The following SETD4 variants were observed in gnomAD, a reference collection of about 807,000 sequenced individuals.
SETD4 encodes the protein SET domain-containing protein 4.
A neutral mutation model predicts 58.3 loss-of-function variants in SETD4; 46 were observed. The ratio of observed to expected loss-of-function variants is 0.79; its 90% CI spans 0.62 to 1.01. SETD4 has a LOEUF of 1.01. Among genes scored for constraint, SETD4 ranks in the 50% least tolerant of loss-of-function variants. SETD4 has a pLI of 0.00. For missense variants in SETD4, 490 were observed against 523.3 expected, an observed-to-expected ratio of 0.94 and a Z score of 0.62; for synonymous variants, 190 against 202.6, an observed-to-expected ratio of 0.94 and a Z score of 0.53.
rs769446480 is a variant in SETD4, at chr21:36,040,886, C to T, written c.984-231G>A. On this transcript the variant is annotated intron_variant, in intron 8 of 11. Coordinates refer to ENST00000332131, the MANE Select transcript of SETD4 (RefSeq NM_017438.5). ...TCTAAAGAGTAAACAGCTGGCCGGGCGCAGTGCCTCACGCCTGTAATCCCA... is the reference window on the plus strand; with the variant it reads ...TCTAAAGAGTAAACAGCTGGCCGGGTGCAGTGCCTCACGCCTGTAATCCCA... Among the ~76,000 whole-genome samples, 6 of 152,146 alleles carry T rather than the reference C, an allele frequency of 3.9e-5. No homozygotes were observed. The South Asian group carries it at 1.2e-3, about 32-fold the overall frequency.
intron 4 of SETD4, chr21:36,051,509 T>G: frequency 7.7e-7 from 1 of 1,292,988 alleles, no homozygotes; most frequent in Non-Finnish European, 1.0e-6. Flanking sequence ...TAGGATTAGT[T>G]GGAGAGAGTG....
intron 8 of SETD4, among the ~76,000 whole-genome samples, chr21:36,041,159 CAAAAAAAAAAAAAAAAAAAAA>C (rs35920101): frequency 2.5e-5 from 1 of 39,996 alleles, no homozygotes; most frequent in African/African-American, 1.1e-4. Flanking sequence ...GACTCCTTCT[CAAAAAAAAAAAAAAAAAAAAA>C]AAAAAAAAAA....
At chr21:36,055,055 T>G (rs771576931) in intron 3 of SETD4, among the ~76,000 whole-genome samples, 1 of 152,270 alleles carries the variant, frequency 6.6e-6, no homozygotes, top group Admixed American at 6.5e-5. Flanking sequence ...AGTGTTAACT[T>G]ATTTCATTGA....
chr21:36,043,986 T>A, intron 6 of SETD4, 30 bp from the exon 7 acceptor site: 1 of 1,606,566 alleles, frequency 6.2e-7, no homozygotes, highest in Non-Finnish European at 8.5e-7. Context: ...AGGTATTTTT[T>A]AAAGTAAGGT....
rs575787225 is a variant in SETD4, at chr21:36,046,733, A to C, written c.297-722T>G. Among the ~76,000 whole-genome samples the C allele has an allele frequency of 9.2e-5, 14 of 152,350 alleles. No individual in the cohort carries two copies. The South Asian group carries it at 2.9e-3, about 32-fold the overall frequency. On this transcript the variant is annotated intron_variant, in intron 5 of 11. Transcript: ENST00000332131. ...TGTATCACAGTATTTTTACTTGCAC[A>C]ATTGCCGATAAAAAGATCTCATGTT...
chr21:36,051,099 G>T, intron 4 of SETD4: 1 of 1,414,794 alleles, frequency 7.1e-7, no homozygotes, highest in African/African-American at 1.4e-5. Context: ...TAATCTAGAT[G>T]TAGCTGGTAT....
intron 4 of SETD4, among the ~76,000 whole-genome samples, chr21:36,049,168 T>C (rs2123680579): frequency 6.6e-6 from 1 of 152,188 alleles, no homozygotes; most frequent in Middle Eastern, 3.4e-3. Context: ...AAATTAGATG[T>C]AAAGTAATAG....
rs547650537 is a variant in SETD4, at chr21:36,039,349, C to T, written c.1065-1076G>A. On this transcript the variant is annotated intron_variant, in intron 9 of 11. Transcript: ENST00000332131. ...GCCAGAGCCCCACACGTGCTTTCTC[C>T]ACACCCACTCAGTAAGCGGTAACTC... Among the ~76,000 whole-genome samples the T allele has an allele frequency of 7.2e-5, 11 of 152,270 alleles. No individual in the cohort carries two copies. The East Asian group carries it at 2.1e-3, about 29-fold the overall frequency.
intron 7 of SETD4, 192 bp from the exon 8 acceptor site, chr21:36,042,080 T>C (rs2123562011): frequency 5.1e-6 from 2 of 388,646 alleles, no homozygotes; most frequent in Non-Finnish European, 9.1e-6. Flanking sequence ...CCTGAAAGGC[T>C]GTAAGAATTT....
At chr21:36,050,682 G>C in intron 4 of SETD4, 1 of 1,602,678 alleles carries the variant, frequency 6.2e-7, no homozygotes, top group Non-Finnish European at 8.6e-7. Context: ...GTTCCCAATG[G>C]TAGTAAAGAA....
chr21:36,040,057 C>A (rs1464550616), intron 9 of SETD4, among the ~76,000 whole-genome samples: 7 of 152,134 alleles, frequency 4.6e-5, no homozygotes, highest in Non-Finnish European at 1.0e-4. Flanking sequence ...CGACAGGGGG[C>A]TGCAGGGAGC....
intron 2 of SETD4, among the ~76,000 whole-genome samples, chr21:36,058,174 T>C (rs1224625711): frequency 1.3e-5 from 2 of 152,124 alleles, no homozygotes; most frequent in East Asian, 3.9e-4. Context: ...AAGAATACAA[T>C]GGCACCATTA....
intron 4 of SETD4, among the ~76,000 whole-genome samples, chr21:36,048,605 GC>G (rs1272247519): frequency 6.6e-6 from 1 of 151,878 alleles, no homozygotes. Flanking sequence ...AGGCCCCACA[GC>G]CCCAACAAAA....
chr21:36,053,490 T>C, intron 4 of SETD4, 93 bp downstream of exon 4: 3 of 1,193,606 alleles, frequency 2.5e-6, no homozygotes, highest in Non-Finnish European at 3.8e-6. Context: ...AATGACTGTA[T>C]GTCTGAAATT....
intron 7 of SETD4, 32 bp from the exon 8 acceptor site, chr21:36,041,920 G>A: frequency 1.6e-6 from 2 of 1,246,034 alleles, no homozygotes; most frequent in Admixed American, 2.6e-5. Context: ...AGACTGTTAG[G>A]GCATAAATTT....
At chr21:36,043,691 T>C in intron 7 of SETD4, 91 bp downstream of exon 7, 1 of 1,550,672 alleles carries the variant, frequency 6.4e-7, no homozygotes, top group South Asian at 1.2e-5. Flanking sequence ...GTCTTAAGGT[T>C]TTGATATTTT....
At chr21:36,051,932 T>C (rs1329313995) in intron 4 of SETD4, among the ~76,000 whole-genome samples, 1 of 152,174 alleles carries the variant, frequency 6.6e-6, no homozygotes, top group Non-Finnish European at 1.5e-5. Context: ...GTTTTTCGTT[T>C]TTTCCCTCTT....
At chr21:36,050,673 T>G in intron 4 of SETD4, 1 of 1,599,654 alleles carries the variant, frequency 6.3e-7, no homozygotes, top group Non-Finnish European at 8.6e-7. Flanking sequence ...AGTACCGGAG[T>G]TCCCAATGGT....
intron 6 of SETD4, among the ~76,000 whole-genome samples, chr21:36,044,360 A>G (rs867341213): frequency 6.6e-6 from 1 of 152,266 alleles, no homozygotes; most frequent in South Asian, 2.1e-4. Flanking sequence ...TATTTTCACA[A>G]TCCTTTCAAA....
Sources: allele counts gnomAD v4.1 joint callset (sites outside exome capture counted in the v4.1 genomes callset), GRCh38; gene constraint gnomAD v4.1.1; transcripts MANE v1.5; gene names NCBI Gene and HGNC (gene_info 2026-07-23, HGNC 2026-07-21).